Variants in MATN2 observed in about 807,000 individuals in gnomAD.
MATN2 encodes the protein matrilin-2.
MATN2 carries 69 observed loss-of-function variants against 103.2 expected under a neutral mutation model. That is an observed-to-expected ratio of 0.67 (90% CI 0.55 to 0.82). The LOEUF (loss-of-function observed/expected upper bound fraction) is 0.82. Ranked by LOEUF, MATN2 falls within the 40% of genes least tolerant of loss-of-function variation. MATN2 has a pLI of 0.00. For synonymous variants in MATN2, 429 were observed against 450.2 expected (o/e 0.95, Z 0.60); for missense variants, 1,023 against 1,211.5 (o/e 0.84, Z 2.31).
chr8:97,983,987 G>A (rs1418238778), intron 6 of MATN2, among the ~76,000 whole-genome samples: 1 of 152,160 alleles, frequency 6.6e-6, no homozygotes, highest in Non-Finnish European at 1.5e-5. Context: ...GAACTACAAA[G>A]TATCGGTTGT....
At chr8:97,886,628 T>A (rs994449846) in intron 1 of MATN2, among the ~76,000 whole-genome samples, 1 of 152,202 alleles carries the variant, frequency 6.6e-6, no homozygotes, top group Non-Finnish European at 1.5e-5. Flanking sequence ...ATACAGCAAG[T>A]GTGAAAAACT....
chr8:97,917,741 G>A (rs1254144567), intron 2 of MATN2, among the ~76,000 whole-genome samples: 1 of 152,180 alleles, frequency 6.6e-6, no homozygotes, highest in East Asian at 1.9e-4. Context: ...TCAAGAAGTA[G>A]AGTGTATTCT....
At chr8:97,874,647 T>C (rs2129925333) in intron 1 of MATN2, among the ~76,000 whole-genome samples, 1 of 152,164 alleles carries the variant, frequency 6.6e-6, no homozygotes, top group South Asian at 2.1e-4. Context: ...ACTCCTGGGC[T>C]CAAGCAATCC....
intron 2 of MATN2, among the ~76,000 whole-genome samples, chr8:97,896,122 C>T (rs1818798764): frequency 6.6e-6 from 1 of 152,196 alleles, no homozygotes; most frequent in South Asian, 2.1e-4. Flanking sequence ...GGCTGTGGTC[C>T]TGCCCAGGGC....
intron 13 of MATN2, among the ~76,000 whole-genome samples, 191 bp from the exon 14 acceptor site, chr8:98,027,225 C>T (rs1381385312): frequency 6.6e-6 from 1 of 152,048 alleles, no homozygotes; most frequent in African/African-American, 2.4e-5. Flanking sequence ...GACAAGCCAA[C>T]CATAAAAGTA....
At chr8:97,887,609 G>A (rs1001611104) in intron 1 of MATN2, among the ~76,000 whole-genome samples, 4 of 152,164 alleles carry the variant, frequency 2.6e-5, no homozygotes, top group African/African-American at 9.7e-5. Context: ...GATATGTGAT[G>A]CTACTTTATG....
chr8:97,871,394 C>T (rs1817892635), intron 1 of MATN2, among the ~76,000 whole-genome samples: 1 of 152,134 alleles, frequency 6.6e-6, no homozygotes. Flanking sequence ...CTGGCCTGAG[C>T]AAGGTGTTGG....
intron 1 of MATN2, among the ~76,000 whole-genome samples, chr8:97,874,086 G>A (rs986883318): frequency 2.6e-5 from 4 of 152,172 alleles, no homozygotes; most frequent in Non-Finnish European, 5.9e-5. Context: ...CTCTAGTGAC[G>A]TTTGACCTCC....
intron 5 of MATN2, among the ~76,000 whole-genome samples, chr8:97,964,448 C>CTT (rs1168942633): frequency 7.9e-5 from 11 of 138,754 alleles, no homozygotes; most frequent in Admixed American, 2.3e-4. Flanking sequence ...TGGCCCAATT[C>CTT]TTTTTTTTTT....
chr8:97,881,913 C>CTTTTTTTTTT (rs34704905), intron 1 of MATN2, among the ~76,000 whole-genome samples: 8 of 84,090 alleles, frequency 9.5e-5, no homozygotes, highest in Non-Finnish European at 1.1e-4. Flanking sequence ...TATTACTTAT[C>CTTTTTTTTTT]TTTTTTTTTT....
Position 98,023,680 on chromosome 8 carries a change from T to G in MATN2, c.1942+2353T>G, listed in dbSNP as rs1414848122. ...AGCAAGACCTTGTCTCAAAAAAAAT[T>G]TTTTTAATAAAAAATAAATAAAGGT... On this transcript the variant is annotated intron_variant, in intron 13 of 18. Coordinates refer to ENST00000254898, the MANE Select transcript of MATN2 (RefSeq NM_002380.5). 5.9e-5 allele frequency among the ~76,000 whole-genome samples: 9 copies of G among 152,016 alleles called. No individual in the cohort carries two copies. In the East Asian group the frequency reaches 1.7e-3, roughly 29 times the overall value.
chr8:97,870,307 T>C (rs1034049414), intron 1 of MATN2, among the ~76,000 whole-genome samples: 1 of 151,976 alleles, frequency 6.6e-6, no homozygotes, highest in Admixed American at 6.6e-5. Flanking sequence ...TCACCTGAGG[T>C]CGGGAGTTCG....
intron 8 of MATN2, among the ~76,000 whole-genome samples, chr8:98,006,338 TTGA>T (rs1303058048): frequency 1.3e-5 from 2 of 152,248 alleles, no homozygotes; most frequent in African/African-American, 4.8e-5. Flanking sequence ...TCAGCACTAC[TTGA>T]TAATAATAGT....
At chr8:97,880,122 C>A (rs529266370) in intron 1 of MATN2, among the ~76,000 whole-genome samples, 1 of 140,550 alleles carries the variant, frequency 7.1e-6, no homozygotes, top group Non-Finnish European at 1.5e-5. Flanking sequence ...CTTGCATTGT[C>A]ACCCAGGCTG....
At chr8:98,033,798 G>A in intron 18 of MATN2, 139 bp downstream of exon 18, 1 of 641,118 alleles carries the variant, frequency 1.6e-6, no homozygotes, top group Non-Finnish European at 2.6e-6. Flanking sequence ...AAGGCTTTTT[G>A]CTTTAAAAAG....
At chr8:97,919,997 G>A (rs144576597) in intron 2 of MATN2, among the ~76,000 whole-genome samples, 2,364 of 152,292 alleles carry the variant, frequency 0.016, 29 homozygotes, top group Non-Finnish European at 0.023. Context: ...CAGAGAGGGC[G>A]CTGTGTAGGG....
At chr8:97,901,675 C>T (rs1046274537) in intron 2 of MATN2, among the ~76,000 whole-genome samples, 5 of 152,198 alleles carry the variant, frequency 3.3e-5, no homozygotes, top group African/African-American at 1.2e-4. Context: ...ACTGCAGGGT[C>T]AGGCCAGGGT....
At chr8:97,946,491 C>G (rs1810756204) in intron 4 of MATN2, among the ~76,000 whole-genome samples, 1 of 152,090 alleles carries the variant, frequency 6.6e-6, no homozygotes, top group African/African-American at 2.4e-5. Flanking sequence ...CTTCCTTTTC[C>G]CATTTAAAAA....
chr8:97,904,009 T>C (rs1819079976), intron 2 of MATN2, among the ~76,000 whole-genome samples: 1 of 152,250 alleles, frequency 6.6e-6, no homozygotes. Context: ...GATCATAATG[T>C]ACTTTTTAAT....
Sources: gnomAD v4.1 joint callset for allele counts (sites outside exome capture counted in the v4.1 genomes callset) on GRCh38, gnomAD v4.1.1 for gene constraint, MANE v1.5 for transcripts, NCBI Gene and HGNC (gene_info 2026-07-23, HGNC 2026-07-21) for gene names.